The following AMPH variants were observed in gnomAD, a reference collection of about 807,000 sequenced individuals.
The protein encoded by AMPH is amphiphysin (Stiff-Mann syndrome with breast cancer 128kD autoantigen).
AMPH carries 49 observed loss-of-function variants against 99.1 expected under a neutral mutation model. That is an observed-to-expected ratio of 0.49 (90% CI 0.39 to 0.63). The LOEUF (loss-of-function observed/expected upper bound fraction) is 0.63, where lower values mean the gene tolerates loss of function less well. Among genes scored for constraint, AMPH ranks in the 20% least tolerant of loss-of-function variants. The pLI, the probability that AMPH is intolerant of heterozygous loss-of-function variation, is 0.00. For synonymous variants in AMPH, 314 were observed against 317.3 expected, an observed-to-expected ratio of 0.99 and a Z score of 0.11; for missense variants, 759 against 863.4, an observed-to-expected ratio of 0.88 and a Z score of 1.52.
At chr7:38,452,175 G>A (rs1787062705) in intron 11 of AMPH, among the ~76,000 whole-genome samples, 1 of 152,034 alleles carries the variant, frequency 6.6e-6, no homozygotes, top group Admixed American at 6.5e-5. Flanking sequence ...TTCTGGGCAG[G>A]AATAACACAA....
At chr7:38,456,923 CTT>C (rs1157897120) in intron 11 of AMPH, among the ~76,000 whole-genome samples, 2 of 152,208 alleles carry the variant, frequency 1.3e-5, no homozygotes, top group Non-Finnish European at 2.9e-5. Flanking sequence ...CTCAGCAAAA[CTT>C]TACCCTGGCC....
chr7:38,474,727 T>G (rs1788018465), intron 7 of AMPH, among the ~76,000 whole-genome samples: 1 of 152,220 alleles, frequency 6.6e-6, no homozygotes. Flanking sequence ...AACAACTTCT[T>G]TGTTCTACCA....
At chr7:38,556,065 G>A (rs1791350983) in intron 1 of AMPH, among the ~76,000 whole-genome samples, 2 of 151,202 alleles carry the variant, frequency 1.3e-5, no homozygotes, top group South Asian at 2.1e-4. Context: ...AATATACCCA[G>A]GCAACAAACC....
chr7:38,438,078 T>C (rs1268128628), intron 11 of AMPH, among the ~76,000 whole-genome samples: 1 of 152,178 alleles, frequency 6.6e-6, no homozygotes, highest in African/African-American at 2.4e-5. Context: ...GCTTTGTTTT[T>C]CCCCAACTTT....
intron 14 of AMPH, 46 bp downstream of exon 14, chr7:38,429,795 CA>C (rs1299736195): frequency 3.2e-6 from 5 of 1,553,350 alleles, no homozygotes; most frequent in Non-Finnish European, 4.4e-6. Context: ...GTATGTAATG[CA>C]TATCAAATAC....
intron 1 of AMPH, among the ~76,000 whole-genome samples, chr7:38,604,228 G>A (rs899703511): frequency 6.6e-6 from 1 of 152,168 alleles, no homozygotes. Flanking sequence ...CTCCAACAAG[G>A]CACACACAGA....
intron 1 of AMPH, among the ~76,000 whole-genome samples, chr7:38,535,213 C>T (rs1291623786): frequency 2.0e-5 from 3 of 151,966 alleles, no homozygotes; most frequent in Non-Finnish European, 4.4e-5. Context: ...ATCCCAGTCC[C>T]GCCCCTCACA....
chr7:38,428,992 A>G (rs1474428954), intron 14 of AMPH: 6 of 1,288,860 alleles, frequency 4.7e-6, no homozygotes, highest in Non-Finnish European at 6.1e-6. Flanking sequence ...GTCCTTTCAC[A>G]TGCTTTCTCT....
At chr7:38,550,635 C>A (rs1030031244) in intron 1 of AMPH, among the ~76,000 whole-genome samples, 27 of 152,120 alleles carry the variant, frequency 1.8e-4, no homozygotes, top group Admixed American at 3.9e-4. Context: ...TCCAGTGTAA[C>A]CATCACCTGG....
At chr7:38,483,755 T>C (rs1392764329) in intron 5 of AMPH, among the ~76,000 whole-genome samples, 16 of 151,966 alleles carry the variant, frequency 1.1e-4, no homozygotes, top group African/African-American at 3.9e-4. Context: ...CCAAGGTAAA[T>C]TTAAAAACAG....
At chr7:38,475,118 A>T (rs1002098462) in intron 7 of AMPH, among the ~76,000 whole-genome samples, 12 of 152,212 alleles carry the variant, frequency 7.9e-5, no homozygotes, top group Admixed American at 6.5e-4. Flanking sequence ...AATTAAGTTT[A>T]AAATTTAGTT....
chr7:38,575,943 C>T (rs908566736), intron 1 of AMPH, among the ~76,000 whole-genome samples: 6 of 152,172 alleles, frequency 3.9e-5, no homozygotes, highest in African/African-American at 1.4e-4. Flanking sequence ...CAAAGGCACC[C>T]CCTGGAACTT....
At chr7:38,557,250 T>C (rs1485594465) in intron 1 of AMPH, among the ~76,000 whole-genome samples, 2 of 152,222 alleles carry the variant, frequency 1.3e-5, no homozygotes, top group Non-Finnish European at 2.9e-5. Context: ...ACAGCTATAG[T>C]AGTTATCACA....
At chr7:38,399,302 T>G (rs577915529) in intron 17 of AMPH, among the ~76,000 whole-genome samples, 1 of 152,368 alleles carries the variant, frequency 6.6e-6, no homozygotes, top group African/African-American at 2.4e-5. Context: ...CTGCGTATCC[T>G]CATAGCTTTC....
intron 2 of AMPH, among the ~76,000 whole-genome samples, chr7:38,529,492 G>A (rs952150753): frequency 6.6e-6 from 1 of 152,182 alleles, no homozygotes; most frequent in Non-Finnish European, 1.5e-5. Context: ...TGCTGGGTGC[G>A]ACCTGCTGTA....
intron 13 of AMPH, among the ~76,000 whole-genome samples, chr7:38,430,897 T>C (rs1160691782): frequency 6.6e-6 from 1 of 152,236 alleles, no homozygotes; most frequent in Non-Finnish European, 1.5e-5. Context: ...CTTTTTGTTT[T>C]GAAGGGAGAA....
intron 11 of AMPH, among the ~76,000 whole-genome samples, chr7:38,459,850 T>C (rs929723215): frequency 1.3e-5 from 2 of 151,892 alleles, no homozygotes; most frequent in African/African-American, 4.8e-5. Context: ...AATGAGGCTA[T>C]ATTAAACTAA....
chr7:38,460,488 A>G (rs1213905079), intron 11 of AMPH, among the ~76,000 whole-genome samples: 1 of 152,216 alleles, frequency 6.6e-6, no homozygotes, highest in Non-Finnish European at 1.5e-5. Flanking sequence ...GTATAGACAC[A>G]CAATGGTATA....
chr7:38,584,801 A>G (rs1417598807), intron 1 of AMPH, among the ~76,000 whole-genome samples: 1 of 152,226 alleles, frequency 6.6e-6, no homozygotes, highest in Non-Finnish European at 1.5e-5. Context: ...ACCTGAGCAG[A>G]TGGAGCTGAA....
Sources: allele counts gnomAD v4.1 joint callset (sites outside exome capture counted in the v4.1 genomes callset), GRCh38; gene constraint gnomAD v4.1.1; transcripts MANE v1.5; gene names NCBI Gene and HGNC (gene_info 2026-07-23, HGNC 2026-07-21).